The following MAD1L1 variants were observed in gnomAD, a reference collection of about 807,000 sequenced individuals.
MAD1L1 encodes the protein mitotic arrest deficient 1 like 1.
Under a neutral mutation model 96.9 loss-of-function variants are expected in MAD1L1, and 95 were observed. The observed-to-expected ratio is 0.98, with a 90% CI of 0.83 to 1.16. The LOEUF is 1.16. MAD1L1 is among the 50% of genes most tolerant of loss of function. MAD1L1 has a pLI of 0.00. For missense variants in MAD1L1, 1,007 were observed against 954.4 expected (o/e 1.06, Z -0.73); for synonymous variants, 473 against 396.6 (o/e 1.19, Z -2.29).
At chr7:2,181,237 T>G (rs1014768199) in intron 10 of MAD1L1, among the ~76,000 whole-genome samples, 1 of 152,274 alleles carries the variant, frequency 6.6e-6, no homozygotes, top group African/African-American at 2.4e-5. Flanking sequence ...CTTCCGAATT[T>G]TGCGGCAACT....
chr7:1,852,959 G>A (rs186200102), intron 18 of MAD1L1, among the ~76,000 whole-genome samples: 2 of 152,338 alleles, frequency 1.3e-5, no homozygotes, highest in East Asian at 3.9e-4. Flanking sequence ...CCTCTAGCAC[G>A]CACCAAGCAC....
At chr7:1,927,398 A>G (rs55730230) in intron 17 of MAD1L1, among the ~76,000 whole-genome samples, 5,171 of 152,290 alleles carry the variant, frequency 0.034, 192 homozygotes, top group Admixed American at 0.099. Context: ...TCTTGTCCAT[A>G]AAGTGGGGGA....
At chr7:2,055,342 C>T (rs939930309) in intron 12 of MAD1L1, among the ~76,000 whole-genome samples, 5 of 152,258 alleles carry the variant, frequency 3.3e-5, no homozygotes, top group African/African-American at 1.2e-4. Context: ...CTGTGTGACC[C>T]GGCCCCTGTG....
At position 2,142,380 on chromosome 7, in the gene MAD1L1, G is replaced by A. The variant is rs1052915498; in HGVS notation, c.1073+6772C>T. Among the ~76,000 whole-genome samples, 3 of 152,318 alleles carry A rather than the reference G, an allele frequency of 2.0e-5. No individual in the cohort carries two copies. Among genetic ancestry groups the A allele is most frequent in the Non-Finnish European group, 4.4e-5 (3 of 68,004 alleles). On this transcript the variant is annotated intron_variant, in intron 11 of 18. Transcript: ENST00000265854. The surrounding 1 kb of genome is among the most constrained non-coding windows in gnomAD (Gnocchi z 4.7). ...GGTTGGGGGCTGAGGCCTCTATGGC[G>A]CAGGTGCACTGTGCGTCCCAGGCAT... is the stretch of plus-strand genomic sequence containing the variant.
intron 16 of MAD1L1, among the ~76,000 whole-genome samples, chr7:1,948,316 A>AC (rs1562552952): frequency 6.9e-4 from 99 of 142,994 alleles, no homozygotes; most frequent in African/African-American, 2.2e-3. Context: ...GCCCCCCATG[A>AC]ACCCCCTCCA....
intron 12 of MAD1L1, among the ~76,000 whole-genome samples, chr7:2,027,667 T>TGAAACAAAACA (rs1783047126): frequency 6.6e-6 from 1 of 152,142 alleles, no homozygotes; most frequent in Non-Finnish European, 1.5e-5. Context: ...ATAAAAACTA[T>TGAAACAAAACA]GAAACAAAAC....
chr7:2,005,174 G>A (rs1257084463), intron 13 of MAD1L1, among the ~76,000 whole-genome samples: 2 of 152,190 alleles, frequency 1.3e-5, no homozygotes, highest in Non-Finnish European at 2.9e-5. Flanking sequence ...TCCCCAGGAG[G>A]CGACCAGGAC....
chr7:1,901,351 G>C (rs1787232002), intron 17 of MAD1L1, among the ~76,000 whole-genome samples: 1 of 152,220 alleles, frequency 6.6e-6, no homozygotes, highest in Admixed American at 6.5e-5. Context: ...AGTGAGCCAA[G>C]AGCCCGGGGT....
chr7:1,956,692 CCA>C (rs1779742824), intron 16 of MAD1L1, among the ~76,000 whole-genome samples: 1 of 152,230 alleles, frequency 6.6e-6, no homozygotes, highest in Non-Finnish European at 1.5e-5. Flanking sequence ...TTGGCATCTC[CCA>C]CAGAGGAGTG....
chr7:1,872,945 T>C (rs1430738116), intron 18 of MAD1L1, among the ~76,000 whole-genome samples: 1 of 152,168 alleles, frequency 6.6e-6, no homozygotes, highest in African/African-American at 2.4e-5. Flanking sequence ...AGCCGGAAAC[T>C]GTCACGGAGA....
chr7:2,215,002 C>T (rs1181986545), intron 9 of MAD1L1, among the ~76,000 whole-genome samples: 2 of 152,028 alleles, frequency 1.3e-5, no homozygotes, highest in African/African-American at 4.8e-5. Flanking sequence ...GAGGCAAAGG[C>T]GGGAGGGTCA....
At chr7:1,886,543 G>T (rs768195830) in intron 18 of MAD1L1, among the ~76,000 whole-genome samples, 23 of 152,200 alleles carry the variant, frequency 1.5e-4, no homozygotes, top group Non-Finnish European at 2.5e-4. Context: ...CGGTGGCACG[G>T]GCGGGAGAGG....
intron 12 of MAD1L1, among the ~76,000 whole-genome samples, chr7:2,019,790 G>A (rs1166081796): frequency 6.6e-6 from 1 of 152,184 alleles, no homozygotes; most frequent in African/African-American, 2.4e-5. Flanking sequence ...CCCTGTGCTC[G>A]GCCCACGCCT....
At position 2,116,579 on chromosome 7, in the gene MAD1L1, G is replaced by T. The variant is rs565684759; in HGVS notation, c.1073+32573C>A. On this transcript the variant is annotated intron_variant, in intron 11 of 18. Coordinates refer to ENST00000265854, the MANE Select transcript of MAD1L1 (RefSeq NM_001013836.2). ...CAGGCCAGAGGGTTGGGGGGGGGGG[G>T]GGCTCCTGTGTGTACACAGGGCTGC... Among the ~76,000 whole-genome samples the T allele has an allele frequency of 2.7e-5, 4 of 150,360 alleles. No individual in the cohort carries two copies. The East Asian group carries it at 7.9e-4, about 30-fold the overall frequency.
At chr7:1,866,507 G>A (rs1225096448) in intron 18 of MAD1L1, among the ~76,000 whole-genome samples, 1 of 152,208 alleles carries the variant, frequency 6.6e-6, no homozygotes, top group Non-Finnish European at 1.5e-5. Context: ...AGTCTCTGGG[G>A]CAGAGACACG....
rs1398666096 is a variant in MAD1L1, at chr7:2,146,503, T to C, written c.1073+2649A>G. 1.3e-5 allele frequency among the ~76,000 whole-genome samples: 2 copies of C among 152,262 alleles called. No individual in the cohort carries two copies. The highest frequency in any genetic ancestry group is 6.5e-5 in the Admixed American group (1 of 15,296). On this transcript the variant is annotated intron_variant, in intron 11 of 18. Coordinates refer to ENST00000265854, the MANE Select transcript of MAD1L1 (RefSeq NM_001013836.2). This position sits in a 1 kb window ranked among gnomAD's most constrained non-coding sequence, Gnocchi z 6.2. ...CAGGGAAAGATGGACACGGCCAACA[T>C]ACTTGGTAAAAACTGCAGAGGAGAA...
intron 18 of MAD1L1, among the ~76,000 whole-genome samples, chr7:1,822,849 G>T (rs137892019): frequency 6.6e-6 from 1 of 151,596 alleles, no homozygotes; most frequent in African/African-American, 2.4e-5. Context: ...TACAGCTACA[G>T]CACAGCGTTA....
At chr7:2,062,268 A>C (rs964324833) in intron 12 of MAD1L1, among the ~76,000 whole-genome samples, 45 of 148,848 alleles carry the variant, frequency 3.0e-4, no homozygotes, top group Non-Finnish European at 5.9e-5. Context: ...AAAAAAAAAA[A>C]AAAAAAAACA....
chr7:1,827,922 G>T (rs570555595), intron 18 of MAD1L1, among the ~76,000 whole-genome samples: 31 of 152,178 alleles, frequency 2.0e-4, no homozygotes, highest in South Asian at 1.0e-3. Flanking sequence ...CCCAGGCGAG[G>T]CCCATGCTGC....
Sources: allele counts gnomAD v4.1 joint callset (sites outside exome capture counted in the v4.1 genomes callset), GRCh38; gene constraint gnomAD v4.1.1; non-coding constraint Gnocchi (gnomAD v3.1); transcripts MANE v1.5; gene names NCBI Gene and HGNC (gene_info 2026-07-23, HGNC 2026-07-21).